Variants in DNAH11 observed in about 807,000 individuals in gnomAD.
The protein encoded by DNAH11 is dynein axonemal heavy chain 11, also known as axonemal beta dynein heavy chain 11.
DNAH11 carries 442 observed loss-of-function variants against 526.0 expected under a neutral mutation model. The observed-to-expected ratio is 0.84, with a 90% CI of 0.78 to 0.91. The LOEUF (loss-of-function observed/expected upper bound fraction) is 0.91. Ranked by LOEUF, DNAH11 falls within the 40% of genes least tolerant of loss-of-function variation. The pLI, the probability that DNAH11 is intolerant of heterozygous loss-of-function variation, is 0.00. For missense variants in DNAH11, 6,989 were observed against 5,448.7 expected, an observed-to-expected ratio of 1.28 and a Z score of -8.90; for synonymous variants, 2,461 against 1,935.9, an observed-to-expected ratio of 1.27 and a Z score of -7.12.
At chr7:21,621,221 G>T (rs1786038768) in intron 25 of DNAH11, among the ~76,000 whole-genome samples, 1 of 152,092 alleles carries the variant, frequency 6.6e-6, no homozygotes, top group African/African-American at 2.4e-5. Context: ...AGAAAATCTA[G>T]AAGAAATGGA....
At chr7:21,831,556 A>G (rs1255232859) in intron 65 of DNAH11, among the ~76,000 whole-genome samples, 3 of 152,208 alleles carry the variant, frequency 2.0e-5, no homozygotes, top group Non-Finnish European at 4.4e-5. Context: ...CCAGTTTTAT[A>G]GGCAGACATC....
chr7:21,701,027 C>G (rs570994641), intron 36 of DNAH11, among the ~76,000 whole-genome samples: 25 of 152,114 alleles, frequency 1.6e-4, no homozygotes, highest in African/African-American at 5.8e-4. Context: ...TTGATGGGTA[C>G]AGCAAACCAC....
At chr7:21,675,145 C>T (rs75111211) in intron 30 of DNAH11, among the ~76,000 whole-genome samples, 10,948 of 152,278 alleles carry the variant, frequency 0.072, 596 homozygotes, top group East Asian at 0.17. Flanking sequence ...ACACAAATCT[C>T]ATTATCACCC....
At position 21,838,616 on chromosome 7, in the gene DNAH11, G is replaced by A. The variant is rs533843489; in HGVS notation, c.10692-3928G>A. On this transcript the variant is annotated intron_variant, in intron 65 of 81. Transcript: ENST00000409508. ...ATTTTCAGGTTTCATTTGTGTCGTA[G>A]CATGTATCAATACTTCATTCCATTC... Among the ~76,000 whole-genome samples the A allele has an allele frequency of 1.0e-3, 155 of 152,282 alleles. 5 individuals are homozygous for A. The South Asian group carries it at 0.031, about 31-fold the overall frequency.
In DNAH11 at chr7:21,600,690, C is replaced by T. The variant is rs760760812; in HGVS notation, c.3015C>T (p.Asn1005=). The change falls in exon 16 of 82, where the codon AAC becomes AAT. Residue 1005 remains asparagine, a synonymous_variant. Transcript: ENST00000409508. ...EIKNYQNDMD[N]MLGLAEVRQE... is the part of the protein sequence containing the mutation. ...CTCTCATTTAGAATGATATGGATAA[C>T]ATGTTAGGCCTGGCAGAGGTCAGGC... The T allele has an allele frequency of 6.2e-7, 1 of 1,609,946 alleles. No homozygotes were observed. The highest frequency in any genetic ancestry group is 8.5e-7 in the Non-Finnish European group (1 of 1,177,768).
At chr7:21,899,846 A>G (rs1784686521) in intron 80 of DNAH11, 134 bp from the exon 81 acceptor site, 1 of 1,087,842 alleles carries the variant, frequency 9.2e-7, no homozygotes, top group South Asian at 1.8e-5. Flanking sequence ...CCCCTGCTCC[A>G]GCGCAGCCAT....
At chr7:21,582,139 C>T (rs1784333511) in intron 9 of DNAH11, 118 bp downstream of exon 9, 1 of 626,792 alleles carries the variant, frequency 1.6e-6, no homozygotes, top group Admixed American at 2.9e-5. Flanking sequence ...GTCATATTCC[C>T]TTCAAATTCA....
intron 55 of DNAH11, among the ~76,000 whole-genome samples, chr7:21,766,876 C>G (rs1042873416): frequency 5.3e-5 from 8 of 152,158 alleles, no homozygotes; most frequent in African/African-American, 1.9e-4. Flanking sequence ...CAAGCAACAT[C>G]TAACTTGGAA....
chr7:21,554,417 T>C lies in DNAH11; in HGVS notation c.496-4385T>C, dbSNP rs189428742. ...CTTGAGGCCCTGACCTCAGGTGATC[T>C]ACCCATCTCGGCCTCCCAGCATGCT... is the stretch of plus-strand genomic sequence containing the variant. On this transcript the variant is annotated intron_variant, in intron 2 of 81. Coordinates refer to ENST00000409508, the MANE Select transcript of DNAH11 (RefSeq NM_001277115.2). Among the ~76,000 whole-genome samples, 130 of 152,190 alleles carry C rather than the reference T, an allele frequency of 8.5e-4. 2 individuals carry two copies. The highest frequency in any genetic ancestry group is 8.5e-3 in the South Asian group (41 of 4,818).
intron 30 of DNAH11, among the ~76,000 whole-genome samples, chr7:21,670,907 T>C (rs979115170): frequency 3.3e-5 from 5 of 151,920 alleles, no homozygotes; most frequent in African/African-American, 9.7e-5. Flanking sequence ...TTTGGCTGGA[T>C]TCTATTTGCT....
intron 30 of DNAH11, among the ~76,000 whole-genome samples, chr7:21,662,455 C>A (rs1237260176): frequency 6.6e-6 from 1 of 151,902 alleles, no homozygotes; most frequent in Non-Finnish European, 1.5e-5. Flanking sequence ...TAATCTTTAC[C>A]CCTAAATATT....
At chr7:21,787,625 A>G in intron 60 of DNAH11, 42 bp downstream of exon 60, 1 of 1,518,138 alleles carries the variant, frequency 6.6e-7, no homozygotes, top group Non-Finnish European at 8.9e-7. Flanking sequence ...TTCTCCACAA[A>G]GGGCTGCAAA....
At chr7:21,804,252 G>C (rs1160860248) in intron 62 of DNAH11, among the ~76,000 whole-genome samples, 1 of 152,038 alleles carries the variant, frequency 6.6e-6, no homozygotes, top group African/African-American at 2.4e-5. Flanking sequence ...GGGACTACAG[G>C]TGCCCGCCAC....
At chr7:21,817,067 C>T (rs982532112) in intron 64 of DNAH11, among the ~76,000 whole-genome samples, 2 of 152,080 alleles carry the variant, frequency 1.3e-5, no homozygotes, top group African/African-American at 2.4e-5. Flanking sequence ...ATGATGTTTA[C>T]GGTCATATTT....
chr7:21,673,259 G>A (rs1381629381), intron 30 of DNAH11, among the ~76,000 whole-genome samples: 1 of 152,114 alleles, frequency 6.6e-6, no homozygotes, highest in Admixed American at 6.5e-5. Context: ...TTAGAATTGT[G>A]TACTAGACCC....
At chr7:21,567,048 T>C (rs1783700611) in intron 6 of DNAH11, among the ~76,000 whole-genome samples, 2 of 152,328 alleles carry the variant, frequency 1.3e-5, no homozygotes, top group Admixed American at 1.3e-4. Context: ...CTGATGTTGG[T>C]CAAAGGGTAC....
intron 42 of DNAH11, among the ~76,000 whole-genome samples, chr7:21,715,304 G>A (rs958573968): frequency 1.3e-5 from 2 of 152,162 alleles, no homozygotes; most frequent in East Asian, 1.9e-4. Context: ...GAAACCACGC[G>A]GTTATAGACT....
chr7:21,822,547 G>A (rs1790100907), intron 65 of DNAH11, among the ~76,000 whole-genome samples: 2 of 152,090 alleles, frequency 1.3e-5, no homozygotes, highest in African/African-American at 4.8e-5. Flanking sequence ...ACACTCAAAA[G>A]GGTTTCTTAT....
chr7:21,592,653 T>A (rs1474900820), intron 14 of DNAH11, among the ~76,000 whole-genome samples: 1 of 152,230 alleles, frequency 6.6e-6, no homozygotes, highest in Non-Finnish European at 1.5e-5. Context: ...TCAGAGCCTA[T>A]GCTAATAATC....
Sources: allele counts gnomAD v4.1 joint callset (sites outside exome capture counted in the v4.1 genomes callset), GRCh38; gene constraint gnomAD v4.1.1; transcripts MANE v1.5; gene names NCBI Gene and HGNC (gene_info 2026-07-23, HGNC 2026-07-21).